The following HMCN2 variants were observed in gnomAD, a reference collection of about 807,000 sequenced individuals.
HMCN2 encodes hemicentin 2.
A neutral mutation model predicts 377.5 loss-of-function variants in HMCN2; 325 were observed. The ratio of observed to expected loss-of-function variants is 0.86; its 90% CI spans 0.79 to 0.94. The LOEUF (loss-of-function observed/expected upper bound fraction) is 0.94, where lower values mean the gene tolerates loss of function less well. HMCN2 is among the 40% of genes least tolerant of loss of function. The probability of loss-of-function intolerance (pLI) is 0.00; values close to 1 mark genes in which losing one functional copy is unlikely to be tolerated. For missense variants in HMCN2, 4,543 were observed against 4,725.3 expected (o/e 0.96, Z 1.13); for synonymous variants, 2,007 against 2,046.8 (o/e 0.98, Z 0.53).
In HMCN2 at chr9:130,403,186, C is replaced by G; in HGVS notation, c.11879-8C>G. 2 of 1,288,142 alleles carry G rather than the reference C, an allele frequency of 1.6e-6. No individual in the cohort carries two copies. Among genetic ancestry groups the G allele is most frequent in the South Asian group, 1.2e-5 (1 of 80,864 alleles). The allele number at this position is 1,288,142 out of a possible 1,614,324, so 79.8% of individuals were successfully genotyped here. A position where few individuals can be genotyped will look rare whatever the true frequency, so the allele number is the denominator to read the frequency against. On this transcript the variant is annotated splice_region_variant and splice_polypyrimidine_tract_variant and intron_variant, in intron 78 of 97. Coordinates refer to ENST00000683500, the MANE Select transcript of HMCN2 (RefSeq NM_001291815.2). ...TCTCAGGGCCCTCTGCACCCCCGTC[C>G]TTTGTAGCCTCCCCGGTGGTGAAGC...
intron 19 of HMCN2, among the ~76,000 whole-genome samples, chr9:130,323,758 A>C (rs1412283095): frequency 6.6e-6 from 1 of 151,848 alleles, no homozygotes; most frequent in Non-Finnish European, 1.5e-5. Context: ...GCTGGAGTGC[A>C]GTGGCATGAT....
chr9:130,373,137 T>C lies in HMCN2; in HGVS notation c.7438+13T>C, dbSNP rs531620686. On this transcript the variant is annotated intron_variant, in intron 48 of 97. Transcript: ENST00000683500. ...TGCAACGTCACAGGTAAGGGCCACATGATGTGATGGGCTGGGAGAAGGGGC... is the reference window on the plus strand; with the variant it reads ...TGCAACGTCACAGGTAAGGGCCACACGATGTGATGGGCTGGGAGAAGGGGC... 1.4e-4 allele frequency: 137 copies of C among 967,966 alleles called. 1 individual carries two copies. In the South Asian group the frequency reaches 5.8e-3, roughly 41 times the overall value. 60.0% of individuals were successfully genotyped at this position (967,966 alleles called of 1,614,324 possible). A position where few individuals can be genotyped will look rare whatever the true frequency, so the allele number is the denominator to read the frequency against.
intron 41 of HMCN2, among the ~76,000 whole-genome samples, chr9:130,365,271 A>G (rs1840632570): frequency 6.6e-6 from 1 of 152,228 alleles, no homozygotes; most frequent in Non-Finnish European, 1.5e-5. Flanking sequence ...CACCAGCCTC[A>G]TTCCTCCACC....
At chr9:130,283,149 C>T (rs745852483) in intron 1 of HMCN2, among the ~76,000 whole-genome samples, 12 of 152,126 alleles carry the variant, frequency 7.9e-5, no homozygotes, top group Admixed American at 5.9e-4. Flanking sequence ...GATGTCCACA[C>T]GACCTTACAC....
At chr9:130,281,004 G>A (rs1338944998) in intron 1 of HMCN2, among the ~76,000 whole-genome samples, 1 of 151,890 alleles carries the variant, frequency 6.6e-6, no homozygotes, top group Non-Finnish European at 1.5e-5. Flanking sequence ...TCAGGAGGCT[G>A]AGGCAGGAGA....
At position 130,369,502 on chromosome 9, in the gene HMCN2, G is replaced by C. The variant is rs1424906037; in HGVS notation, c.6788-68G>C. 1.1e-6 allele frequency: 1 copy of C among 910,554 alleles called. No homozygotes were observed. The highest frequency in any genetic ancestry group is 1.3e-6 in the Non-Finnish European group (1 of 761,206). The allele number at this position is 910,554 out of a possible 1,614,324, so 56.4% of individuals were successfully genotyped here. A position where few individuals can be genotyped will look rare whatever the true frequency, so the allele number is the denominator to read the frequency against. On this transcript the variant is annotated intron_variant, in intron 44 of 97. Coordinates refer to ENST00000683500, the MANE Select transcript of HMCN2 (RefSeq NM_001291815.2). This position sits in a 1 kb window ranked among gnomAD's most constrained non-coding sequence, Gnocchi z 4.5. ...GAGAGGGTGTGTCCCTATTGGGCCC[G>C]GGGTAAGTGTGTGGTGCCTGGTGGC...
intron 96 of HMCN2, among the ~76,000 whole-genome samples, 187 bp from the exon 97 acceptor site, chr9:130,432,242 C>T (rs1340128186): frequency 2.6e-5 from 4 of 152,172 alleles, no homozygotes; most frequent in African/African-American, 9.7e-5. Flanking sequence ...CCTGGCCCCC[C>T]GAGGGAGATG....
intron 30 of HMCN2, among the ~76,000 whole-genome samples, chr9:130,352,359 G>A (rs1461271996): frequency 1.3e-5 from 2 of 152,246 alleles, no homozygotes; most frequent in Non-Finnish European, 2.9e-5. Flanking sequence ...GCCTGCATCT[G>A]CACTCTCTGT....
chr9:130,299,566 C>A (rs190470912), intron 8 of HMCN2, among the ~76,000 whole-genome samples: 1 of 151,814 alleles, frequency 6.6e-6, no homozygotes, highest in Non-Finnish European at 1.5e-5. Context: ...CATGCACTGA[C>A]CCATTCACTC....
chr9:130,430,683 C>T, intron 95 of HMCN2, 79 bp downstream of exon 95: 2 of 1,243,210 alleles, frequency 1.6e-6, no homozygotes, highest in Non-Finnish European at 2.1e-6. Flanking sequence ...GCAGGTGTCA[C>T]CCACCGAGTT....
intron 5 of HMCN2, 67 bp from the exon 6 acceptor site, chr9:130,295,599 G>T: frequency 2.3e-6 from 1 of 434,394 alleles, no homozygotes; most frequent in South Asian, 1.7e-5. Context: ...GATTCCTGGA[G>T]ACATGCGGGG....
intron 15 of HMCN2, among the ~76,000 whole-genome samples, chr9:130,319,003 C>T (rs1357075754): frequency 6.6e-6 from 1 of 152,208 alleles, no homozygotes; most frequent in Non-Finnish European, 1.5e-5. Flanking sequence ...AGAAGTGGGC[C>T]TGGCTTAGGC....
chr9:130,301,690 C>A (rs972676172), intron 8 of HMCN2, among the ~76,000 whole-genome samples: 1 of 152,234 alleles, frequency 6.6e-6, no homozygotes, highest in East Asian at 1.9e-4. Context: ...ATGTCACCGC[C>A]GCCTTCCCAT....
chr9:130,347,909 G>T lies in HMCN2; in HGVS notation c.4024+549G>T. On this transcript the variant is annotated intron_variant, in intron 26 of 97. Transcript: ENST00000683500. The surrounding 1 kb of genome is among the most constrained non-coding windows in gnomAD (Gnocchi z 5.1). The stretch of plus-strand genomic sequence containing the variant: ...GCACGGATGGCAGTGCAGAGCCCCA[G>T]AGCCCACCTCCGGGTTAAAACTGTT... 1 of 713,358 alleles carries T rather than the reference G, an allele frequency of 1.4e-6. No individual in the cohort carries two copies. Among genetic ancestry groups the T allele is most frequent in the Non-Finnish European group, 1.7e-6 (1 of 582,184 alleles). The allele number at this position is 713,358 out of a possible 1,614,324, so 44.2% of individuals were successfully genotyped here.
chr9:130,339,520 ACGTTGACAG>A (rs1838938449), intron 23 of HMCN2, among the ~76,000 whole-genome samples: 2 of 152,326 alleles, frequency 1.3e-5, no homozygotes, highest in Middle Eastern at 3.4e-3. Flanking sequence ...CAGGGCCTCA[ACGTTGACAG>A]AGCTGGGTTT....
chr9:130,314,217 A>G (rs1837422029), intron 15 of HMCN2, among the ~76,000 whole-genome samples: 3 of 152,110 alleles, frequency 2.0e-5, no homozygotes, highest in Admixed American at 1.3e-4. Flanking sequence ...CTCTCCGGCC[A>G]TCCTTTGGGG....
intron 95 of HMCN2, chr9:130,430,904 A>C: frequency 4.4e-6 from 2 of 449,540 alleles, no homozygotes; most frequent in Non-Finnish European, 7.9e-6. Flanking sequence ...TTTGAGAAAC[A>C]CTCCTCTTAG....
chr9:130,330,288 T>A (rs1162251472), intron 22 of HMCN2, among the ~76,000 whole-genome samples: 1 of 152,116 alleles, frequency 6.6e-6, no homozygotes, highest in Non-Finnish European at 1.5e-5. Flanking sequence ...CCCCTTCTCC[T>A]GTCTGTGGGG....
intron 79 of HMCN2, 59 bp downstream of exon 79, chr9:130,403,387 G>GC (rs1842945946): frequency 7.8e-7 from 1 of 1,279,564 alleles, no homozygotes; most frequent in South Asian, 1.3e-5. Flanking sequence ...TCTGGGCAGG[G>GC]GGGGAGTCCT....
Sources: allele counts gnomAD v4.1 joint callset (sites outside exome capture counted in the v4.1 genomes callset), GRCh38; gene constraint gnomAD v4.1.1; non-coding constraint Gnocchi (gnomAD v3.1); transcripts MANE v1.5; gene names NCBI Gene and HGNC (gene_info 2026-07-23, HGNC 2026-07-21).